Variants in BCR observed in about 807,000 individuals in gnomAD.
BCR encodes BCR activator of RhoGEF and GTPase, also known as breakpoint cluster region protein.
A neutral mutation model predicts 138.6 loss-of-function variants in BCR; 58 were observed. The observed-to-expected ratio is 0.42, with a 90% CI of 0.34 to 0.52. The LOEUF (loss-of-function observed/expected upper bound fraction) is 0.52. BCR is among the 20% of genes least tolerant of loss of function. The pLI is 0.06. For synonymous variants in BCR, 786 were observed against 730.1 expected (o/e 1.08, Z -1.23); for missense variants, 1,599 against 1,727.2 (o/e 0.93, Z 1.32).
chr22:23,315,392 C>G (rs532567122), intron 22 of BCR, 41 bp from the exon 23 acceptor site: 6 of 1,590,888 alleles, frequency 3.8e-6, no homozygotes, highest in Non-Finnish European at 5.2e-6. Context: ...CTGTGAGCCC[C>G]GCTCTGAGCC....
At chr22:23,217,639 G>A (rs963236067) in intron 1 of BCR, among the ~76,000 whole-genome samples, 1 of 152,220 alleles carries the variant, frequency 6.6e-6, no homozygotes, top group African/African-American at 2.4e-5. Context: ...AGTGGGTGGG[G>A]AACATGGAAT....
At chr22:23,314,799 TCTTA>T in intron 22 of BCR, 85 bp downstream of exon 22, 1 of 1,511,916 alleles carries the variant, frequency 6.6e-7, no homozygotes, top group African/African-American at 1.4e-5. Context: ...CTGCCCATCT[TCTTA>T]CTTGCATTGT....
intron 1 of BCR, among the ~76,000 whole-genome samples, chr22:23,222,839 T>G (rs140290911): frequency 6.6e-6 from 1 of 152,130 alleles, no homozygotes; most frequent in East Asian, 1.9e-4. Flanking sequence ...ACTAACAAGG[T>G]GTCTTAGTCT....
intron 13 of BCR, 49 bp from the exon 14 acceptor site, chr22:23,290,290 C>G: frequency 6.4e-7 from 1 of 1,565,408 alleles, no homozygotes; most frequent in Non-Finnish European, 8.8e-7. Flanking sequence ...TGTCACCTGC[C>G]TCCCTTTCCC....
At chr22:23,202,577 A>T (rs1231450152) in intron 1 of BCR, among the ~76,000 whole-genome samples, 3 of 152,166 alleles carry the variant, frequency 2.0e-5, no homozygotes, top group African/African-American at 7.2e-5. Flanking sequence ...TAGGAATCTG[A>T]CGACTCTAGA....
intron 15 of BCR, among the ~76,000 whole-genome samples, chr22:23,294,423 G>T (rs946388346): frequency 6.6e-6 from 1 of 152,074 alleles, no homozygotes; most frequent in African/African-American, 2.4e-5. Context: ...TTTTTTGAGG[G>T]AGAGTCTCAC....
Position 23,288,073 on chromosome 22 carries a change from GTGTGTTCT to G in BCR, c.2527-22_2527-15del, listed in dbSNP as rs923074114. ...GCGTAGCCAGGGCGGAGATAACTGG[GTGTGTTCT>G]TCTTGCCCACCCTAGAGTTACACGT... is the stretch of plus-strand genomic sequence containing the variant. On this transcript the variant is annotated splice_polypyrimidine_tract_variant and intron_variant, in intron 11 of 22. Coordinates refer to ENST00000305877, the MANE Select transcript of BCR (RefSeq NM_004327.4). 1 of 1,611,200 alleles carries G rather than the reference GTGTGTTCT, an allele frequency of 6.2e-7. No individual in the cohort carries two copies. The highest frequency in any genetic ancestry group is 1.3e-5 in the African/African-American group (1 of 74,830).
intron 1 of BCR, among the ~76,000 whole-genome samples, chr22:23,237,708 G>A (rs908572676): frequency 6.6e-5 from 10 of 152,232 alleles, no homozygotes; most frequent in African/African-American, 1.9e-4. Flanking sequence ...CTGCTGAGAC[G>A]GGCGGCGTGA....
intron 1 of BCR, chr22:23,198,507 T>C (rs2146207105): frequency 3.9e-6 from 1 of 258,778 alleles, no homozygotes; most frequent in East Asian, 1.6e-4. Flanking sequence ...GGGCCTGACA[T>C]GTTGTAGCTA....
chr22:23,265,357 G>A (rs770328475), intron 4 of BCR, among the ~76,000 whole-genome samples: 4 of 152,250 alleles, frequency 2.6e-5, no homozygotes, highest in Non-Finnish European at 4.4e-5. Flanking sequence ...TAGGCCCGGT[G>A]CCTGCCCTTG....
intron 4 of BCR, chr22:23,264,643 C>T (rs946175374): frequency 7.4e-6 from 2 of 269,696 alleles, no homozygotes; most frequent in African/African-American, 4.4e-5. Context: ...GAGCAAGGAT[C>T]TGGCCTGGAG....
rs370618150 is a variant in BCR at position 23,198,780 on chromosome 22, G to C, written c.1279+16541G>C. Among the ~76,000 whole-genome samples the C allele has an allele frequency of 7.2e-5, 11 of 152,276 alleles. No homozygotes were observed. In the East Asian group the frequency reaches 9.7e-4, roughly 13 times the overall value. On this transcript the variant is annotated intron_variant, in intron 1 of 22. Transcript: ENST00000305877. ...ATCTTGTCGTGGAGCAGTTGCATGG[G>C]CCCGCCCTTGTTCCCTGGAGCAGCT... is the stretch of plus-strand genomic sequence containing the variant.
Position 23,302,018 on chromosome 22 carries a change from T to C in BCR, c.3012+6863T>C, listed in dbSNP as rs550194974. Among the ~76,000 whole-genome samples, 6 of 152,266 alleles carry C rather than the reference T, an allele frequency of 3.9e-5. No homozygotes were observed. The South Asian group carries it at 1.2e-3, about 32-fold the overall frequency. On this transcript the variant is annotated intron_variant, in intron 16 of 22. Transcript: ENST00000305877. ...TGTCCCTGCTGTACTGTGTATCCCCTTGCCTTTCTGGCTTGTGGCTCTGAA... is the reference window on the plus strand; with the variant it reads ...TGTCCCTGCTGTACTGTGTATCCCCCTGCCTTTCTGGCTTGTGGCTCTGAA...
chr22:23,286,285 A>T (rs986427102), intron 10 of BCR, among the ~76,000 whole-genome samples: 13 of 152,238 alleles, frequency 8.5e-5, no homozygotes, highest in Non-Finnish European at 2.9e-5. Context: ...ATCAAAGGTT[A>T]GCCAGGCCAG....
At chr22:23,217,214 A>G (rs1051408955) in intron 1 of BCR, among the ~76,000 whole-genome samples, 6 of 152,210 alleles carry the variant, frequency 3.9e-5, no homozygotes, top group Non-Finnish European at 7.3e-5. Flanking sequence ...TGCTGTTGCC[A>G]TGTTATATAG....
At chr22:23,219,858 T>A (rs1427573617) in intron 1 of BCR, among the ~76,000 whole-genome samples, 1 of 152,150 alleles carries the variant, frequency 6.6e-6, no homozygotes, top group African/African-American at 2.4e-5. Flanking sequence ...GCATGTAACC[T>A]GTTTCCCTCC....
chr22:23,275,300 C>A (rs143392635), intron 8 of BCR, among the ~76,000 whole-genome samples: 51 of 152,248 alleles, frequency 3.3e-4, no homozygotes, highest in Non-Finnish European at 6.8e-4. Context: ...ATGCCAGCAT[C>A]GTGAGGACCG....
chr22:23,196,253 A>G (rs1313195244), intron 1 of BCR, among the ~76,000 whole-genome samples: 2 of 152,170 alleles, frequency 1.3e-5, no homozygotes, highest in Non-Finnish European at 2.9e-5. Flanking sequence ...GTGTAGGCAG[A>G]TAAGAAGGTG....
chr22:23,249,028 A>G (rs914145179), intron 1 of BCR, among the ~76,000 whole-genome samples: 15 of 152,070 alleles, frequency 9.9e-5, no homozygotes, highest in Admixed American at 2.0e-4. Context: ...GCTCAAGCCT[A>G]TAATCCCAGC....
Sources: allele counts gnomAD v4.1 joint callset (sites outside exome capture counted in the v4.1 genomes callset), GRCh38; gene constraint gnomAD v4.1.1; transcripts MANE v1.5; gene names NCBI Gene and HGNC (gene_info 2026-07-23, HGNC 2026-07-21).